CEP112: variants seen among roughly 807,000 people sequenced by gnomAD.
The protein encoded by CEP112 is centrosomal protein of 112 kDa.
In CEP112, 127 loss-of-function variants were observed where a neutral mutation model predicts 153.0. The ratio of observed to expected loss-of-function variants is 0.83; its 90% CI spans 0.72 to 0.96. CEP112 has a LOEUF of 0.96. CEP112 is among the 40% of genes least tolerant of loss of function. The probability of loss-of-function intolerance (pLI) is 0.00; values close to 1 mark genes in which losing one functional copy is unlikely to be tolerated. For synonymous variants in CEP112, 358 were observed against 374.4 expected (o/e 0.96, Z 0.51); for missense variants, 1,089 against 1,101.2 (o/e 0.99, Z 0.16).
intron 20 of CEP112, among the ~76,000 whole-genome samples, chr17:65,871,576 A>C (rs2058671626): frequency 6.6e-6 from 1 of 152,220 alleles, no homozygotes; most frequent in African/African-American, 2.4e-5. Context: ...CGGAGATTAC[A>C]GTGAGCCAAG....
At chr17:65,925,990 T>C (rs1296090415) in intron 19 of CEP112, among the ~76,000 whole-genome samples, 1 of 152,190 alleles carries the variant, frequency 6.6e-6, no homozygotes, top group Admixed American at 6.5e-5. Flanking sequence ...AAATTAATGG[T>C]AATCTTAAGT....
At position 65,914,356 on chromosome 17, in the gene CEP112, C is replaced by T. The variant is rs2060396169; in HGVS notation, c.1981-12022G>A. ...TAATTTAGAAGGACAAATAGGTCAACCTGGTTATAAACTCTTCCAATATAT... is the reference window on the plus strand; with the variant it reads ...TAATTTAGAAGGACAAATAGGTCAATCTGGTTATAAACTCTTCCAATATAT... On this transcript the variant is annotated intron_variant, in intron 19 of 26. Coordinates refer to ENST00000535342, the MANE Select transcript of CEP112 (RefSeq NM_001199165.4). 2.0e-5 allele frequency among the ~76,000 whole-genome samples: 3 copies of T among 151,448 alleles called. No homozygotes were observed. The East Asian group carries it at 5.8e-4, about 29-fold the overall frequency.
intron 21 of CEP112, among the ~76,000 whole-genome samples, chr17:65,827,958 TC>T (rs924783805): frequency 6.6e-6 from 1 of 152,192 alleles, no homozygotes; most frequent in African/African-American, 2.4e-5. Flanking sequence ...CTCGAGAGTC[TC>T]CCTGAATCTT....
intron 20 of CEP112, among the ~76,000 whole-genome samples, chr17:65,872,154 T>G (rs903775212): frequency 6.6e-6 from 1 of 152,158 alleles, no homozygotes; most frequent in African/African-American, 2.4e-5. Flanking sequence ...ATTGTTAATT[T>G]TAAGTTATTT....
chr17:66,127,330 C>T (rs776590985), intron 6 of CEP112, among the ~76,000 whole-genome samples: 30 of 152,208 alleles, frequency 2.0e-4, no homozygotes, highest in Non-Finnish European at 2.6e-4. Context: ...TTCTTTTCCA[C>T]TTTGATGTTG....
chr17:65,995,814 G>A (rs1325263951), intron 17 of CEP112, among the ~76,000 whole-genome samples: 3 of 152,122 alleles, frequency 2.0e-5, no homozygotes, highest in Non-Finnish European at 2.9e-5. Flanking sequence ...CATGGGTACA[G>A]ATTCCCCCAT....
chr17:65,891,135 A>G (rs2059450086), intron 20 of CEP112, among the ~76,000 whole-genome samples: 1 of 152,162 alleles, frequency 6.6e-6, no homozygotes, highest in Non-Finnish European at 1.5e-5. Flanking sequence ...AAATGAATGA[A>G]TGGATATCAC....
intron 11 of CEP112, among the ~76,000 whole-genome samples, chr17:66,055,983 C>T (rs750899433): frequency 2.6e-5 from 4 of 152,182 alleles, no homozygotes; most frequent in Non-Finnish European, 4.4e-5. Flanking sequence ...GAGTCCAGGT[C>T]ACTCAGTCTA....
intron 11 of CEP112, among the ~76,000 whole-genome samples, chr17:66,058,880 C>T (rs9900786): frequency 0.015 from 2,246 of 151,934 alleles, 59 homozygotes; most frequent in African/African-American, 0.052. Context: ...AAGAACAAGG[C>T]CAGTGGGAAT....
chr17:66,159,576 A>C (rs1046017010), intron 4 of CEP112, among the ~76,000 whole-genome samples: 4 of 152,242 alleles, frequency 2.6e-5, no homozygotes, highest in Non-Finnish European at 5.9e-5. Context: ...AATCCATCAC[A>C]TAAATAGAAC....
chr17:66,072,820 A>C (rs981587822), intron 8 of CEP112, among the ~76,000 whole-genome samples: 1 of 152,146 alleles, frequency 6.6e-6, no homozygotes, highest in Admixed American at 6.6e-5. Context: ...CCTGTACTCT[A>C]AAGTAGAAAT....
At position 65,875,769 on chromosome 17, in the gene CEP112, C is replaced by A. The variant is rs117747118; in HGVS notation, c.2164-23735G>T. Among the ~76,000 whole-genome samples, 130 of 152,248 alleles carry A rather than the reference C, an allele frequency of 8.5e-4. 1 individual carries two copies. The East Asian group carries it at 0.019, about 22-fold the overall frequency. On this transcript the variant is annotated intron_variant, in intron 20 of 26. Transcript: ENST00000535342. The stretch of plus-strand genomic sequence containing the variant: ...TATTCATTCTCACAACCCCTATTAT[C>A]TAAATTTTCACTTCTGTTACCTGCA...
intron 21 of CEP112, among the ~76,000 whole-genome samples, chr17:65,758,387 G>T (rs2052411986): frequency 6.6e-6 from 1 of 151,970 alleles, no homozygotes. Context: ...CAAAAGCTTG[G>T]GTTTAAAACT....
intron 20 of CEP112, among the ~76,000 whole-genome samples, chr17:65,870,025 G>GA (rs1258622233): frequency 3.7e-5 from 2 of 54,114 alleles, no homozygotes; most frequent in African/African-American, 5.2e-5. Context: ...AAGAAAGAAA[G>GA]AAAGAAAGAA....
chr17:66,030,321 A>G (rs548584810), intron 12 of CEP112, among the ~76,000 whole-genome samples: 47 of 152,338 alleles, frequency 3.1e-4, no homozygotes, highest in African/African-American at 1.1e-3. Flanking sequence ...AAATAAGACA[A>G]AGTTCCTATC....
chr17:65,792,447 G>A (rs989620038), intron 21 of CEP112, among the ~76,000 whole-genome samples: 1 of 151,982 alleles, frequency 6.6e-6, no homozygotes, highest in African/African-American at 2.4e-5. Context: ...AGTAATTCGG[G>A]AACATTTTGT....
At chr17:66,104,575 C>A (rs1395122819) in intron 6 of CEP112, among the ~76,000 whole-genome samples, 1 of 152,082 alleles carries the variant, frequency 6.6e-6, no homozygotes, top group East Asian at 1.9e-4. Flanking sequence ...GGGAAGAAAT[C>A]CCCTCAGCTT....
chr17:66,175,858 T>A (rs1055854466), intron 3 of CEP112, among the ~76,000 whole-genome samples: 3 of 152,192 alleles, frequency 2.0e-5, no homozygotes, highest in African/African-American at 7.2e-5. Context: ...ATGTGCTTCA[T>A]AAAATGTTCT....
At chr17:66,055,210 T>C (rs984652106) in intron 11 of CEP112, among the ~76,000 whole-genome samples, 4 of 152,166 alleles carry the variant, frequency 2.6e-5, no homozygotes, top group African/African-American at 9.7e-5. Context: ...GCAATAATTA[T>C]GATAATTGTA....
Sources: allele counts gnomAD v4.1 joint callset (sites outside exome capture counted in the v4.1 genomes callset), GRCh38; gene constraint gnomAD v4.1.1; transcripts MANE v1.5; gene names NCBI Gene and HGNC (gene_info 2026-07-23, HGNC 2026-07-21).